Variants in GRM8 observed in about 807,000 individuals in gnomAD.
GRM8 encodes metabotropic glutamate receptor 8.
A neutral mutation model predicts 87.2 loss-of-function variants in GRM8; 47 were observed. The observed-to-expected ratio is 0.54, with a 90% CI of 0.43 to 0.69. The LOEUF (loss-of-function observed/expected upper bound fraction) is 0.69, where lower values mean the gene tolerates loss of function less well. GRM8 is among the 30% of genes least tolerant of loss of function. The pLI is 0.00. For synonymous variants in GRM8, 396 were observed against 404.5 expected, an observed-to-expected ratio of 0.98 and a Z score of 0.25; for missense variants, 1,019 against 1,139.2, an observed-to-expected ratio of 0.89 and a Z score of 1.52.
chr7:126,557,239 G>C (rs890826414), intron 8 of GRM8, among the ~76,000 whole-genome samples: 5 of 152,324 alleles, frequency 3.3e-5, no homozygotes, highest in African/African-American at 1.2e-4. Context: ...TCTTAAAAGA[G>C]AGCAAAGGCA....
chr7:127,030,851 G>T (rs572735648), intron 3 of GRM8, among the ~76,000 whole-genome samples: 3 of 152,204 alleles, frequency 2.0e-5, no homozygotes, highest in Non-Finnish European at 4.4e-5. Context: ...TAGAAAGGAT[G>T]TCCCCGACTC....
chr7:126,696,219 G>GA (rs1809359946), intron 7 of GRM8, among the ~76,000 whole-genome samples: 3 of 152,020 alleles, frequency 2.0e-5, no homozygotes, highest in Non-Finnish European at 4.4e-5. Flanking sequence ...AAAACTCTTT[G>GA]AAAAAATGCA....
At chr7:126,513,924 T>C (rs987100157) in intron 9 of GRM8, among the ~76,000 whole-genome samples, 1 of 151,826 alleles carries the variant, frequency 6.6e-6, no homozygotes, top group East Asian at 2.0e-4. Context: ...TAGCTTTTTA[T>C]CGGAGTTCTT....
At chr7:126,706,897 A>T (rs7784073) in intron 7 of GRM8, among the ~76,000 whole-genome samples, 4 of 151,974 alleles carry the variant, frequency 2.6e-5, no homozygotes, top group Non-Finnish European at 5.9e-5. Flanking sequence ...CATGTCTACC[A>T]CAAAGGTAGA....
intron 1 of GRM8, among the ~76,000 whole-genome samples, chr7:127,249,608 T>C (rs771105957): frequency 1.8e-4 from 28 of 151,690 alleles, no homozygotes; most frequent in Non-Finnish European, 3.7e-4. Flanking sequence ...AGTGAGTGGG[T>C]GAGTTTGTCG....
At chr7:126,978,854 A>G (rs1811258938) in intron 3 of GRM8, among the ~76,000 whole-genome samples, 2 of 151,768 alleles carry the variant, frequency 1.3e-5, no homozygotes, top group South Asian at 4.2e-4. Context: ...ACCCTAAGAG[A>G]CTCCCCTATT....
intron 3 of GRM8, among the ~76,000 whole-genome samples, chr7:126,968,385 G>A (rs1386385179): frequency 6.6e-6 from 1 of 152,120 alleles, no homozygotes. Flanking sequence ...TATAAGAATG[G>A]TAAATTGCTT....
intron 8 of GRM8, among the ~76,000 whole-genome samples, chr7:126,568,460 T>A (rs1466018852): frequency 1.3e-5 from 2 of 152,088 alleles, no homozygotes; most frequent in Non-Finnish European, 2.9e-5. Flanking sequence ...AACATCTGGG[T>A]TTCTAGGTTA....
At chr7:126,793,460 G>A (rs780889566) in intron 6 of GRM8, among the ~76,000 whole-genome samples, 3 of 152,088 alleles carry the variant, frequency 2.0e-5, no homozygotes, top group Non-Finnish European at 2.9e-5. Flanking sequence ...GATTACTCCT[G>A]CCCTGCAGAC....
intron 3 of GRM8, among the ~76,000 whole-genome samples, chr7:127,089,723 T>C (rs1025816417): frequency 6.6e-6 from 1 of 152,236 alleles, no homozygotes; most frequent in African/African-American, 2.4e-5. Context: ...AAATGCTTTC[T>C]TTACTAAAGG....
intron 3 of GRM8, among the ~76,000 whole-genome samples, chr7:126,946,710 C>T (rs1807577829): frequency 6.6e-6 from 1 of 152,114 alleles, no homozygotes; most frequent in African/African-American, 2.4e-5. Flanking sequence ...CAAACTGAGA[C>T]CAGAGAAATA....
intron 6 of GRM8, among the ~76,000 whole-genome samples, chr7:126,797,854 C>A (rs1261012157): frequency 6.6e-6 from 1 of 152,196 alleles, no homozygotes; most frequent in Admixed American, 6.5e-5. Flanking sequence ...GCAACATGAA[C>A]TTTTGTCTGG....
At chr7:127,175,700 A>G (rs1488387416) in intron 2 of GRM8, among the ~76,000 whole-genome samples, 6 of 152,192 alleles carry the variant, frequency 3.9e-5, no homozygotes, top group Non-Finnish European at 8.8e-5. Flanking sequence ...TAAAGTGTTG[A>G]AAGTCAAAAA....
chr7:127,204,464 A>T (rs1223708375), intron 2 of GRM8, among the ~76,000 whole-genome samples: 3 of 152,162 alleles, frequency 2.0e-5, no homozygotes, highest in Admixed American at 2.0e-4. Context: ...CACTTTACAG[A>T]GTGTTCAGAG....
intron 6 of GRM8, among the ~76,000 whole-genome samples, chr7:126,858,702 C>T (rs565372820): frequency 3.3e-5 from 5 of 152,302 alleles, no homozygotes; most frequent in African/African-American, 7.2e-5. Flanking sequence ...AGAAAAGCAA[C>T]GCTGAAATGA....
intron 7 of GRM8, among the ~76,000 whole-genome samples, chr7:126,624,400 C>T (rs867530186): frequency 6.6e-6 from 1 of 152,180 alleles, no homozygotes; most frequent in African/African-American, 2.4e-5. Flanking sequence ...TCTTTCATTA[C>T]TCGTATCCCA....
At chr7:127,241,269 C>T (rs745986104) in intron 2 of GRM8, among the ~76,000 whole-genome samples, 1 of 152,166 alleles carries the variant, frequency 6.6e-6, no homozygotes, top group Non-Finnish European at 1.5e-5. Flanking sequence ...CTAGATGTGC[C>T]TCTGAGATAT....
intron 6 of GRM8, among the ~76,000 whole-genome samples, chr7:126,890,150 C>T (rs1461437061): frequency 6.6e-6 from 1 of 152,106 alleles, no homozygotes; most frequent in Non-Finnish European, 1.5e-5. Flanking sequence ...CCACATGTCA[C>T]TAATGGCTGC....
intron 7 of GRM8, among the ~76,000 whole-genome samples, chr7:126,651,312 C>T (rs1424933275): frequency 1.3e-5 from 2 of 152,204 alleles, no homozygotes; most frequent in Non-Finnish European, 2.9e-5. Flanking sequence ...GCTGGATTGA[C>T]AGAATGGCAG....
Sources: allele counts gnomAD v4.1 joint callset (sites outside exome capture counted in the v4.1 genomes callset), GRCh38; gene constraint gnomAD v4.1.1; transcripts MANE v1.5; gene names NCBI Gene and HGNC (gene_info 2026-07-23, HGNC 2026-07-21).